The following SHTN1 variants were observed in gnomAD, a reference collection of about 807,000 sequenced individuals.
The protein encoded by SHTN1 is shootin-1.
Under a neutral mutation model 83.1 loss-of-function variants are expected in SHTN1, and 42 were observed. The ratio of observed to expected loss-of-function variants is 0.51; its 90% CI spans 0.39 to 0.65. The LOEUF (loss-of-function observed/expected upper bound fraction) is 0.65, where lower values mean the gene tolerates loss of function less well. Among genes scored for constraint, SHTN1 ranks in the 30% least tolerant of loss-of-function variants. The pLI, the probability that SHTN1 is intolerant of heterozygous loss-of-function variation, is 0.00. For synonymous variants in SHTN1, 224 were observed against 247.7 expected, an observed-to-expected ratio of 0.90 and a Z score of 0.90; for missense variants, 622 against 737.8, an observed-to-expected ratio of 0.84 and a Z score of 1.82.
intron 16 of SHTN1, among the ~76,000 whole-genome samples, chr10:116,891,849 G>A (rs1847351713): frequency 6.6e-6 from 1 of 152,024 alleles, no homozygotes; most frequent in East Asian, 1.9e-4. Context: ...TATAATAAAG[G>A]CAGAACAAAG....
At chr10:117,038,443 A>G (rs1852533705) in intron 2 of SHTN1, among the ~76,000 whole-genome samples, 2 of 152,062 alleles carry the variant, frequency 1.3e-5, no homozygotes, top group African/African-American at 4.8e-5. Context: ...CCCAGCCGCA[A>G]TGACTTTTTA....
At chr10:117,052,949 G>GGCA (rs1852769412) in intron 1 of SHTN1, among the ~76,000 whole-genome samples, 1 of 137,614 alleles carries the variant, frequency 7.3e-6, no homozygotes, top group South Asian at 2.4e-4. Flanking sequence ...GAACCTAGGA[G>GGCA]GTGGAGCTTG....
At chr10:116,910,681 C>A (rs1458077100) in intron 14 of SHTN1, among the ~76,000 whole-genome samples, 1 of 152,152 alleles carries the variant, frequency 6.6e-6, no homozygotes, top group Non-Finnish European at 1.5e-5. Context: ...CATGAATTAG[C>A]ATTATAACAC....
At chr10:117,073,219 G>T (rs368098689) in intron 1 of SHTN1, among the ~76,000 whole-genome samples, 2 of 152,142 alleles carry the variant, frequency 1.3e-5, no homozygotes, top group African/African-American at 4.8e-5. Flanking sequence ...TATGTTAAAC[G>T]ACCAAACCTA....
intron 2 of SHTN1, among the ~76,000 whole-genome samples, chr10:117,011,906 C>T (rs546844516): frequency 2.0e-5 from 3 of 151,832 alleles, no homozygotes; most frequent in Non-Finnish European, 2.9e-5. Flanking sequence ...TTTGGGAGGC[C>T]GAGGAGGGCG....
intron 2 of SHTN1, among the ~76,000 whole-genome samples, chr10:117,040,748 G>T (rs959902809): frequency 6.6e-6 from 1 of 151,996 alleles, no homozygotes; most frequent in African/African-American, 2.4e-5. Flanking sequence ...ACTATGGTCT[G>T]AACAGTTTAC....
intron 16 of SHTN1, among the ~76,000 whole-genome samples, chr10:116,897,095 C>T (rs982797001): frequency 6.6e-6 from 1 of 152,076 alleles, no homozygotes; most frequent in African/African-American, 2.4e-5. Context: ...GGATTATAGG[C>T]GTAAGCCACC....
chr10:117,026,991 T>C (rs1589901475), intron 2 of SHTN1, among the ~76,000 whole-genome samples: 1 of 152,148 alleles, frequency 6.6e-6, no homozygotes, highest in Non-Finnish European at 1.5e-5. Context: ...GCTACAAGGG[T>C]GCTTGTGTCA....
At position 116,950,565 on chromosome 10, in the gene SHTN1, G is replaced by A. The variant is rs1589835320; in HGVS notation, c.534+1344C>T. On this transcript the variant is annotated intron_variant, in intron 6 of 16. Coordinates refer to ENST00000355371, the MANE Select transcript of SHTN1 (RefSeq NM_001127211.3). ...CCAATAATACCTCTAAGTGGGAAGCGAGAGAATCATCAGTAAATAATCACA... is the reference window on the plus strand; with the variant it reads ...CCAATAATACCTCTAAGTGGGAAGCAAGAGAATCATCAGTAAATAATCACA... 3.3e-5 allele frequency among the ~76,000 whole-genome samples: 5 copies of A among 152,274 alleles called. No individual in the cohort carries two copies. In the South Asian group the frequency reaches 1.0e-3, roughly 32 times the overall value.
chr10:116,950,433 G>A (rs1451539228), intron 6 of SHTN1, among the ~76,000 whole-genome samples: 3 of 152,194 alleles, frequency 2.0e-5, no homozygotes, highest in Non-Finnish European at 2.9e-5. Context: ...CTCCCAAAGT[G>A]CTAGGATTAC....
chr10:116,933,265 C>T (rs1218428951), intron 9 of SHTN1, among the ~76,000 whole-genome samples: 1 of 151,968 alleles, frequency 6.6e-6, no homozygotes, highest in Non-Finnish European at 1.5e-5. Flanking sequence ...GTTTGCTGCA[C>T]CCATCAACCT....
intron 2 of SHTN1, among the ~76,000 whole-genome samples, chr10:117,041,515 T>A (rs1339874793): frequency 6.6e-6 from 1 of 152,168 alleles, no homozygotes; most frequent in Non-Finnish European, 1.5e-5. Context: ...TGCATTTCAA[T>A]TTTTTCAGTG....
At chr10:117,020,221 G>T (rs578205659) in intron 2 of SHTN1, among the ~76,000 whole-genome samples, 2 of 152,144 alleles carry the variant, frequency 1.3e-5, no homozygotes, top group African/African-American at 4.8e-5. Flanking sequence ...CGGGCACGGT[G>T]GCTCATGCCT....
At chr10:116,986,753 T>C (rs954457475) in intron 1 of SHTN1, among the ~76,000 whole-genome samples, 27 of 130,360 alleles carry the variant, frequency 2.1e-4, no homozygotes, top group Admixed American at 2.7e-4. Context: ...AGACAGAGTG[T>C]CGCTCTGTCA....
At chr10:117,046,881 G>T (rs1195261533) in intron 2 of SHTN1, among the ~76,000 whole-genome samples, 1 of 151,856 alleles carries the variant, frequency 6.6e-6, no homozygotes, top group African/African-American at 2.4e-5. Flanking sequence ...GTGGGTATGG[G>T]GTTTCTTTCT....
intron 1 of SHTN1, among the ~76,000 whole-genome samples, chr10:117,096,319 A>T (rs1786453067): frequency 6.6e-6 from 1 of 152,254 alleles, no homozygotes; most frequent in Admixed American, 6.5e-5. Flanking sequence ...ATTTTGTAGT[A>T]CAGGTACCCA....
upstream of SHTN1, among the ~76,000 whole-genome samples, chr10:117,006,464 G>A (rs1225469111): frequency 6.6e-6 from 1 of 150,908 alleles, no homozygotes; most frequent in Non-Finnish European, 1.5e-5. Context: ...TACTCGGGAA[G>A]CTGAGGCAGG....
chr10:116,933,523 T>C lies in SHTN1; in HGVS notation c.859-3521A>G, dbSNP rs569000684. Among the ~76,000 whole-genome samples, 20 of 152,360 alleles carry C rather than the reference T, an allele frequency of 1.3e-4. No homozygotes were observed. The East Asian group carries it at 2.5e-3, about 19-fold the overall frequency. On this transcript the variant is annotated intron_variant, in intron 9 of 16. Coordinates refer to ENST00000355371, the MANE Select transcript of SHTN1 (RefSeq NM_001127211.3). ...CATCCTTTTTTATGGCTGTGTAGTA[T>C]TCCATGGTGTATATGTGCCACATTT... is the stretch of plus-strand genomic sequence containing the variant.
intron 1 of SHTN1, among the ~76,000 whole-genome samples, chr10:117,073,616 A>G (rs1010028540): frequency 1.3e-5 from 2 of 152,198 alleles, no homozygotes; most frequent in African/African-American, 2.4e-5. Flanking sequence ...TCCAGAACAT[A>G]CCAACATCAA....
Sources: gnomAD v4.1 joint callset for allele counts (sites outside exome capture counted in the v4.1 genomes callset) on GRCh38, gnomAD v4.1.1 for gene constraint, MANE v1.5 for transcripts, NCBI Gene and HGNC (gene_info 2026-07-23, HGNC 2026-07-21) for gene names.